The following WDR70 variants were observed in gnomAD, a reference collection of about 807,000 sequenced individuals.
The protein encoded by WDR70 is WD repeat-containing protein 70.
In WDR70, 53 loss-of-function variants were observed where a neutral mutation model predicts 88.6. That is an observed-to-expected ratio of 0.60 (90% CI 0.48 to 0.75). The LOEUF (loss-of-function observed/expected upper bound fraction) is 0.75. Ranked by LOEUF, WDR70 falls within the 30% of genes least tolerant of loss-of-function variation. WDR70 has a pLI of 0.00. For synonymous variants in WDR70, 280 were observed against 270.0 expected, an observed-to-expected ratio of 1.04 and a Z score of -0.36; for missense variants, 610 against 823.2, an observed-to-expected ratio of 0.74 and a Z score of 3.17.
intron 9 of WDR70, among the ~76,000 whole-genome samples, chr5:37,542,435 A>G (rs1200975151): frequency 6.6e-6 from 1 of 151,822 alleles, no homozygotes; most frequent in Non-Finnish European, 1.5e-5. Context: ...ATGCACCACC[A>G]TGCCCGGCTA....
chr5:37,472,397 T>C (rs1390136550), intron 7 of WDR70, among the ~76,000 whole-genome samples: 1 of 152,112 alleles, frequency 6.6e-6, no homozygotes, highest in Non-Finnish European at 1.5e-5. Context: ...TATGTTTCTT[T>C]TTTGTTTTAC....
At chr5:37,552,543 T>C (rs969936442) in intron 9 of WDR70, among the ~76,000 whole-genome samples, 1 of 152,206 alleles carries the variant, frequency 6.6e-6, no homozygotes, top group African/African-American at 2.4e-5. Flanking sequence ...GTGGATAGCA[T>C]AAAAGTAGTT....
At chr5:37,626,192 CTTG>C (rs1744660923) in intron 10 of WDR70, among the ~76,000 whole-genome samples, 1 of 152,022 alleles carries the variant, frequency 6.6e-6, no homozygotes, top group South Asian at 2.1e-4. Flanking sequence ...GAGTCTTTGT[CTTG>C]TTCTAGTTCT....
intron 9 of WDR70, among the ~76,000 whole-genome samples, chr5:37,554,169 A>G (rs1330184058): frequency 6.6e-6 from 1 of 150,388 alleles, no homozygotes; most frequent in Admixed American, 6.6e-5. Context: ...ATTACCAAAG[A>G]CAGCTACTAA....
chr5:37,497,644 C>T (rs981011727), intron 8 of WDR70, among the ~76,000 whole-genome samples: 13 of 151,962 alleles, frequency 8.6e-5, no homozygotes, highest in African/African-American at 2.9e-4. Flanking sequence ...TGTTTGCCCT[C>T]GATAATAGGT....
chr5:37,544,726 G>A (rs1181146822), intron 9 of WDR70, among the ~76,000 whole-genome samples: 1 of 152,118 alleles, frequency 6.6e-6, no homozygotes, highest in Admixed American at 6.5e-5. Context: ...AAAGCCTTGA[G>A]TATAGTTGGC....
At chr5:37,427,558 A>C (rs994969698) in intron 5 of WDR70, among the ~76,000 whole-genome samples, 2 of 152,050 alleles carry the variant, frequency 1.3e-5, no homozygotes, top group Non-Finnish European at 2.9e-5. Flanking sequence ...TAGGATTCTC[A>C]GTATGTAACT....
At chr5:37,690,732 C>G (rs1746766641) in intron 10 of WDR70, among the ~76,000 whole-genome samples, 1 of 152,180 alleles carries the variant, frequency 6.6e-6, no homozygotes, top group South Asian at 2.1e-4. Flanking sequence ...AAAGAAATAA[C>G]CAGTACCAGC....
At chr5:37,737,481 CACTGGACTAAGAAT>C (rs1276821092) in intron 17 of WDR70, among the ~76,000 whole-genome samples, 4 of 152,166 alleles carry the variant, frequency 2.6e-5, no homozygotes, top group African/African-American at 9.7e-5. Context: ...ACAGAGGGAA[CACTGGACTAAGAAT>C]CAGAAGTCCT....
At chr5:37,522,499 G>A (rs1196630461) in intron 9 of WDR70, among the ~76,000 whole-genome samples, 43 of 150,998 alleles carry the variant, frequency 2.8e-4, no homozygotes, top group African/African-American at 9.7e-4. Context: ...AAAAAAGGTG[G>A]CAGTTCCAAG....
intron 9 of WDR70, among the ~76,000 whole-genome samples, chr5:37,553,569 C>T (rs773621538): frequency 1.1e-4 from 17 of 152,110 alleles, no homozygotes; most frequent in African/African-American, 3.6e-4. Context: ...TGTGTCTGTG[C>T]GTGCGCATGT....
chr5:37,724,191 CT>C (rs1253950325), intron 15 of WDR70: 1 of 152,104 alleles, frequency 6.6e-6, no homozygotes, highest in East Asian at 1.9e-4. Context: ...CCTAATAACT[CT>C]TTCCTTTTCC....
At chr5:37,424,009 C>T (rs1399210310) in intron 5 of WDR70, among the ~76,000 whole-genome samples, 2 of 149,924 alleles carry the variant, frequency 1.3e-5, no homozygotes, top group African/African-American at 4.9e-5. Context: ...ATTAGCTGGG[C>T]AAGGTGGTGC....
chr5:37,598,650 A>G (rs1253077277), intron 9 of WDR70, among the ~76,000 whole-genome samples: 3 of 152,232 alleles, frequency 2.0e-5, no homozygotes, highest in Non-Finnish European at 4.4e-5. Context: ...GACCAATTAC[A>G]CTATGATTTT....
intron 10 of WDR70, among the ~76,000 whole-genome samples, chr5:37,677,595 A>G (rs1746274000): frequency 6.6e-6 from 1 of 152,190 alleles, no homozygotes; most frequent in African/African-American, 2.4e-5. Flanking sequence ...CTGTGGTCTG[A>G]GAGACAGTTT....
At chr5:37,510,489 G>A (rs565052001) in intron 8 of WDR70, among the ~76,000 whole-genome samples, 6 of 152,126 alleles carry the variant, frequency 3.9e-5, no homozygotes, top group Admixed American at 3.3e-4. Flanking sequence ...TAAGAGACAG[G>A]GTCTTGCTTT....
At chr5:37,465,550 T>A (rs1260047607) in intron 7 of WDR70, among the ~76,000 whole-genome samples, 1 of 152,148 alleles carries the variant, frequency 6.6e-6, no homozygotes, top group East Asian at 1.9e-4. Flanking sequence ...AGTATCTGAT[T>A]TGGATTTAGG....
intron 10 of WDR70, among the ~76,000 whole-genome samples, chr5:37,634,123 C>A (rs1475182194): frequency 6.6e-6 from 1 of 151,768 alleles, no homozygotes; most frequent in Non-Finnish European, 1.5e-5. Context: ...CACGGTGAAA[C>A]CCCATCTCTA....
At chr5:37,688,940 GC>G (rs1338308017) in intron 10 of WDR70, among the ~76,000 whole-genome samples, 1 of 152,164 alleles carries the variant, frequency 6.6e-6, no homozygotes, top group Non-Finnish European at 1.5e-5. Context: ...GCCGAGGGAA[GC>G]CGTGACAGAC....
Sources: gnomAD v4.1 joint callset for allele counts (sites outside exome capture counted in the v4.1 genomes callset) on GRCh38, gnomAD v4.1.1 for gene constraint, MANE v1.5 for transcripts, NCBI Gene and HGNC (gene_info 2026-07-23, HGNC 2026-07-21) for gene names.